AOPEP: variants seen among roughly 807,000 people sequenced by gnomAD.
AOPEP encodes aminopeptidase O (putative), also known as aminopeptidase O.
In AOPEP, 77 loss-of-function variants were observed where a neutral mutation model predicts 98.1. The ratio of observed to expected loss-of-function variants is 0.78; its 90% CI spans 0.65 to 0.95. The LOEUF is 0.95. Ranked by LOEUF, AOPEP falls within the 40% of genes least tolerant of loss-of-function variation. AOPEP has a pLI of 0.00. For missense variants in AOPEP, 1,024 were observed against 1,024.7 expected (o/e 1.00, Z 0.01); for synonymous variants, 346 against 365.3 (o/e 0.95, Z 0.60).
intron 1 of AOPEP, among the ~76,000 whole-genome samples, chr9:94,746,767 G>A (rs904132160): frequency 6.6e-6 from 1 of 152,162 alleles, no homozygotes; most frequent in East Asian, 1.9e-4. Context: ...TGCCATCAGG[G>A]AAGCCAGAGT....
chr9:95,100,446 T>C, the AOPEP span: 1 of 231,486 alleles, frequency 4.3e-6, no homozygotes, highest in African/African-American at 2.2e-5. Context: ...ACTTTGCTCA[T>C]ACCTCAAAAC....
intron 5 of AOPEP, among the ~76,000 whole-genome samples, chr9:94,841,235 G>A (rs1287257601): frequency 1.3e-5 from 2 of 149,760 alleles, no homozygotes; most frequent in African/African-American, 2.5e-5. Flanking sequence ...GCAATGGTGC[G>A]ATCTCAGCTT....
At chr9:94,884,387 G>A (rs1417509628) in intron 5 of AOPEP, among the ~76,000 whole-genome samples, 1 of 152,178 alleles carries the variant, frequency 6.6e-6, no homozygotes, top group East Asian at 1.9e-4. Flanking sequence ...GTGAGACTAG[G>A]AAAGTTGAAA....
chr9:95,059,852 A>G (rs560807953), intron 13 of AOPEP, among the ~76,000 whole-genome samples: 145 of 152,330 alleles, frequency 9.5e-4, no homozygotes, highest in African/African-American at 3.4e-3. Flanking sequence ...TACAAGGCAT[A>G]TCTCAAATTG....
chr9:95,015,862 AT>A (rs2062938228), intron 13 of AOPEP, among the ~76,000 whole-genome samples: 2 of 151,978 alleles, frequency 1.3e-5, no homozygotes, highest in African/African-American at 4.8e-5. Context: ...TCAGTATGAA[AT>A]TTTTTTTCTT....
chr9:94,738,765 G>A (rs768638770), intron 1 of AOPEP, among the ~76,000 whole-genome samples: 8 of 152,038 alleles, frequency 5.3e-5, no homozygotes, highest in Non-Finnish European at 8.8e-5. Flanking sequence ...TAGTAGAGAC[G>A]GGGTTTCACC....
At chr9:94,860,286 G>A (rs1439445156) in intron 5 of AOPEP, among the ~76,000 whole-genome samples, 2 of 152,138 alleles carry the variant, frequency 1.3e-5, no homozygotes, top group Admixed American at 6.5e-5. Context: ...GAAGATTGGC[G>A]TGAAATGAGA....
intron 1 of AOPEP, among the ~76,000 whole-genome samples, chr9:94,727,635 G>A (rs957635187): frequency 1.3e-5 from 2 of 152,190 alleles, no homozygotes; most frequent in South Asian, 4.1e-4. Context: ...TGAAATCCTT[G>A]ATCTCATTGA....
chr9:95,149,894 C>G, the AOPEP span: 1 of 1,573,946 alleles, frequency 6.4e-7, no homozygotes, highest in African/African-American at 1.3e-5. Flanking sequence ...AAAAACGACG[C>G]AGGATGACAG....
At chr9:94,917,646 C>T (rs1429852263) in intron 5 of AOPEP, among the ~76,000 whole-genome samples, 2 of 152,190 alleles carry the variant, frequency 1.3e-5, no homozygotes, top group South Asian at 2.1e-4. Context: ...GCTTCCCTGA[C>T]GTAGCTGCCC....
chr9:94,895,438 A>G (rs936604260), intron 5 of AOPEP, among the ~76,000 whole-genome samples: 23 of 150,554 alleles, frequency 1.5e-4, no homozygotes, highest in African/African-American at 5.6e-4. Flanking sequence ...AAAAGCTAGC[A>G]TTATATTAGT....
At chr9:95,149,808 A>T in the AOPEP span, 1 of 1,175,052 alleles carries the variant, frequency 8.5e-7, no homozygotes, top group Non-Finnish European at 1.2e-6. Context: ...AAGAGTATAA[A>T]GGGTACTGAG....
intron 11 of AOPEP, among the ~76,000 whole-genome samples, chr9:94,982,329 C>T (rs2060234027): frequency 6.6e-6 from 1 of 152,118 alleles, no homozygotes; most frequent in African/African-American, 2.4e-5. Flanking sequence ...CAAATTCAAA[C>T]AATAGCAAAA....
intron 14 of AOPEP, among the ~76,000 whole-genome samples, chr9:95,062,337 G>T (rs900017994): frequency 6.6e-6 from 1 of 152,112 alleles, no homozygotes. Flanking sequence ...TTGAGATAAC[G>T]CAGAAAGGCT....
chr9:94,918,970 C>A (rs553063249), intron 5 of AOPEP, among the ~76,000 whole-genome samples: 13 of 151,696 alleles, frequency 8.6e-5, no homozygotes, highest in African/African-American at 3.2e-4. Flanking sequence ...GGCTGGAGTG[C>A]AATGGTGCAA....
chr9:94,939,275 T>C (rs902199648), intron 7 of AOPEP, among the ~76,000 whole-genome samples: 2 of 150,454 alleles, frequency 1.3e-5, no homozygotes, highest in African/African-American at 4.9e-5. Flanking sequence ...AGAAGGCTTC[T>C]AATAATACAA....
intron 1 of AOPEP, among the ~76,000 whole-genome samples, chr9:94,747,403 A>G (rs928759758): frequency 1.3e-5 from 2 of 152,192 alleles, no homozygotes; most frequent in Non-Finnish European, 2.9e-5. Context: ...ATTGTAGCAT[A>G]TATTTATGCT....
chr9:94,743,256 A>AGAAGAAGAG (rs1833680539), intron 1 of AOPEP, among the ~76,000 whole-genome samples: 2 of 133,168 alleles, frequency 1.5e-5, no homozygotes, highest in South Asian at 4.8e-4. Context: ...AAGAAGAGGA[A>AGAAGAAGAG]GAAGAAGAAG....
At chr9:94,893,284 G>T (rs2049080656) in intron 5 of AOPEP, among the ~76,000 whole-genome samples, 1 of 152,146 alleles carries the variant, frequency 6.6e-6, no homozygotes, top group Non-Finnish European at 1.5e-5. Flanking sequence ...GTTGCTTATA[G>T]TTTTACCGGG....
Sources: allele counts gnomAD v4.1 joint callset (sites outside exome capture counted in the v4.1 genomes callset), GRCh38; gene constraint gnomAD v4.1.1; transcripts MANE v1.5; gene names NCBI Gene and HGNC (gene_info 2026-07-23, HGNC 2026-07-21).